CRYBG1: variants seen among roughly 807,000 people sequenced by gnomAD.
The protein encoded by CRYBG1 is beta/gamma crystallin domain-containing protein 1.
A neutral mutation model predicts 189.2 loss-of-function variants in CRYBG1; 139 were observed. The ratio of observed to expected loss-of-function variants is 0.73; its 90% confidence interval spans 0.64 to 0.85. The LOEUF (loss-of-function observed/expected upper bound fraction) is 0.85, where lower values mean the gene tolerates loss of function less well. Ranked by LOEUF, CRYBG1 falls within the 40% of genes least tolerant of loss-of-function variation. The probability of loss-of-function intolerance (pLI) is 0.00; values close to 1 mark genes in which losing one functional copy is unlikely to be tolerated. For synonymous variants in CRYBG1, 1,023 were observed against 1,017.1 expected (o/e 1.01, Z -0.11); for missense variants, 2,611 against 2,675.8 (o/e 0.98, Z 0.53).
At chr6:106,462,765 G>C (rs1562313989) in intron 2 of CRYBG1, among the ~76,000 whole-genome samples, 1 of 152,226 alleles carries the variant, frequency 6.6e-6, no homozygotes, top group Non-Finnish European at 1.5e-5. Flanking sequence ...ATTGCTTTGT[G>C]TATACTGGAC....
chr6:106,442,549 G>A (rs946018618), intron 1 of CRYBG1, among the ~76,000 whole-genome samples: 15 of 152,188 alleles, frequency 9.9e-5, no homozygotes, highest in African/African-American at 3.4e-4. Flanking sequence ...TGTAACTATC[G>A]TGGTTAGGAG....
intron 1 of CRYBG1, among the ~76,000 whole-genome samples, chr6:106,386,246 T>A (rs1410384699): frequency 6.6e-6 from 1 of 152,198 alleles, no homozygotes; most frequent in Admixed American, 6.6e-5. Flanking sequence ...AATCACTGGG[T>A]CTTTCCCCGT....
intron 1 of CRYBG1, among the ~76,000 whole-genome samples, chr6:106,432,600 C>T (rs1054985362): frequency 3.9e-5 from 6 of 152,050 alleles, no homozygotes; most frequent in South Asian, 4.1e-4. Flanking sequence ...AATCTCTAAC[C>T]GAAACATAGG....
Position 106,561,432 on chromosome 6 carries a change from C to T in CRYBG1, c.6070C>T (p.Gln2024Ter). Residue 2024 changes from glutamine (Q) to a stop codon, truncating the protein, a stop_gained, in exon 20 of 22, where the codon CAG (glutamine) becomes TAG (stop). Transcript: ENST00000633556. LOFTEE classifies it high-confidence loss of function. ...NLEDLKLLRI[Q>*]VMEDVGADDQ... is the part of the protein sequence containing the mutation. ...AGAGGATCTGAAGCTTCTGAGGATA[C>T]AGGTCATGGAGGATGTCGGGGCCGA... 1 of 1,614,120 alleles carries T rather than the reference C, an allele frequency of 6.2e-7. No homozygotes were observed. The highest frequency in any genetic ancestry group is 8.5e-7 in the Non-Finnish European group (1 of 1,180,010).
intron 20 of CRYBG1, 123 bp downstream of exon 20, chr6:106,561,623 A>G: frequency 8.1e-7 from 1 of 1,230,250 alleles, no homozygotes; most frequent in Non-Finnish European, 1.1e-6. Flanking sequence ...TACTTTCAGA[A>G]ATGAATTTGT....
At chr6:106,414,276 C>T (rs1294744776) in intron 1 of CRYBG1, among the ~76,000 whole-genome samples, 3 of 152,252 alleles carry the variant, frequency 2.0e-5, no homozygotes, top group Non-Finnish European at 4.4e-5. Flanking sequence ...AGCAACATAT[C>T]TGGTTTGCTC....
At chr6:106,547,520 G>A (rs1774293353) in intron 13 of CRYBG1, among the ~76,000 whole-genome samples, 1 of 152,216 alleles carries the variant, frequency 6.6e-6, no homozygotes, top group Non-Finnish European at 1.5e-5. Context: ...GATAGGATAG[G>A]AAGGCTGAGA....
chr6:106,366,195 A>T (rs1355338179), intron 1 of CRYBG1, among the ~76,000 whole-genome samples: 2 of 152,030 alleles, frequency 1.3e-5, no homozygotes, highest in Non-Finnish European at 2.9e-5. Flanking sequence ...GGTGCTTAGA[A>T]CTCTAAACAG....
chr6:106,397,768 TAAC>T (rs1194437630), intron 1 of CRYBG1, among the ~76,000 whole-genome samples: 2 of 152,244 alleles, frequency 1.3e-5, no homozygotes, highest in African/African-American at 4.8e-5. Flanking sequence ...TAACAAGGAT[TAAC>T]ATAGAGATAT....
intron 2 of CRYBG1, among the ~76,000 whole-genome samples, chr6:106,506,123 C>A (rs1773127490): frequency 6.6e-6 from 1 of 152,278 alleles, no homozygotes; most frequent in Admixed American, 6.5e-5. Context: ...CAAGTCTTGA[C>A]CACACTAAGT....
In CRYBG1 at chr6:106,519,550, C is replaced by G. The variant is rs1387893529; in HGVS notation, c.2342C>G (p.Pro781Arg). ...SSENQALGPQPNQDDKADVQT... is the reference protein window; with the variant it reads ...SSENQALGPQRNQDDKADVQT... ...GAGAATCAAGCTCTTGGTCCTCAGCCTAACCAAGATGATAAAGCAGATGTA... is the reference window on the plus strand; with the variant it reads ...GAGAATCAAGCTCTTGGTCCTCAGCGTAACCAAGATGATAAAGCAGATGTA... The change falls in exon 4 of 22, where the codon CCT (proline) becomes CGT (arginine). Residue 781 changes from proline to arginine, a missense_variant. Pro to Arg is a moderately radical substitution (Grantham distance 103). Around this residue, in one of 3 missense-constraint regions of CRYBG1, gnomAD observed 1,622 missense variants for 1,735.0 expected, o/e 0.93. Coordinates refer to ENST00000633556, the MANE Select transcript of CRYBG1 (RefSeq NM_001371242.2). 6.2e-7 allele frequency: 1 copy of G among 1,614,140 alleles called. No individual in the cohort carries two copies. The highest frequency in any genetic ancestry group is 1.3e-5 in the African/African-American group (1 of 75,026).
Position 106,494,345 on chromosome 6 carries a change from C to G in CRYBG1, c.313-17085C>G, listed in dbSNP as rs145934046. ...TACATATAGTTAACACTATAGAACA[C>G]TACACTTTAAAAATGGTTAAGATGG... On this transcript the variant is annotated intron_variant, in intron 2 of 21. Coordinates refer to ENST00000633556, the MANE Select transcript of CRYBG1 (RefSeq NM_001371242.2). Among the ~76,000 whole-genome samples, 6 of 152,268 alleles carry G rather than the reference C, an allele frequency of 3.9e-5. No individual in the cohort carries two copies. The East Asian group carries it at 1.2e-3, about 29-fold the overall frequency.
chr6:106,558,389 A>AT (rs944162120), intron 17 of CRYBG1, 97 bp from the exon 18 acceptor site: 10 of 1,106,552 alleles, frequency 9.0e-6, no homozygotes, highest in South Asian at 8.7e-5. Context: ...AATCTAGCAG[A>AT]TTTTTTGTGC....
At chr6:106,388,702 G>T (rs867305284) in intron 1 of CRYBG1, among the ~76,000 whole-genome samples, 1 of 152,038 alleles carries the variant, frequency 6.6e-6, no homozygotes, top group Non-Finnish European at 1.5e-5. Context: ...TACTTTATAG[G>T]TTCCAGTTGG....
intron 1 of CRYBG1, among the ~76,000 whole-genome samples, chr6:106,394,004 A>G (rs926675320): frequency 6.6e-6 from 1 of 152,084 alleles, no homozygotes; most frequent in East Asian, 1.9e-4. Flanking sequence ...TCCTACCTTT[A>G]GACTACTGAG....
chr6:106,520,263 G>C lies in CRYBG1; in HGVS notation c.3055G>C (p.Ala1019Pro), dbSNP rs774946537. ...VLGNEHSHCT[A>P]ELAAKSGPQV... ...GGGCAATGAACACTCTCATTGCACA[G>C]CAGAGCTCGCGGCAAAATCTGGCCC... Residue 1019 changes from alanine to proline, a missense_variant, in exon 4 of 22, where the codon GCA (alanine) becomes CCA (proline). This residue lies in a region of CRYBG1 where 1,622 missense variants were observed against 1,735.0 expected (regional missense o/e 0.93). Coordinates refer to ENST00000633556, the MANE Select transcript of CRYBG1 (RefSeq NM_001371242.2). 6.2e-7 allele frequency: 1 copy of C among 1,614,186 alleles called. No individual in the cohort carries two copies. Among genetic ancestry groups the C allele is most frequent in the East Asian group, 2.2e-5 (1 of 44,890 alleles).
intron 1 of CRYBG1, among the ~76,000 whole-genome samples, chr6:106,410,093 A>C (rs1218240032): frequency 6.6e-6 from 1 of 152,212 alleles, no homozygotes; most frequent in Non-Finnish European, 1.5e-5. Flanking sequence ...GGCAACCTAC[A>C]GAATGGGAGA....
rs571016082 is a variant in CRYBG1, at chr6:106,391,014, A to C, written c.173+29933A>C. On this transcript the variant is annotated intron_variant, in intron 1 of 21. Transcript: ENST00000633556. ...TACTTTCAGACTGTTTTCCGAAGTGATTGTATCAGTGTACACTCCTACCAA... is the reference window on the plus strand; with the variant it reads ...TACTTTCAGACTGTTTTCCGAAGTGCTTGTATCAGTGTACACTCCTACCAA... Among the ~76,000 whole-genome samples the C allele has an allele frequency of 1.1e-4, 17 of 152,278 alleles. No homozygotes were observed. The East Asian group carries it at 3.1e-3, about 28-fold the overall frequency.
rs145297752 is a variant in CRYBG1, at chr6:106,425,851, C to T, written c.174-25843C>T. On this transcript the variant is annotated intron_variant, in intron 1 of 21. Coordinates refer to ENST00000633556, the MANE Select transcript of CRYBG1 (RefSeq NM_001371242.2). ...ACAGGGTTTCACCAGTTGGCCAGGC[C>T]GGTCTTGAACTCCGGACCTCAGGTG... Among the ~76,000 whole-genome samples the T allele has an allele frequency of 4.2e-3, 646 of 152,110 alleles. 7 individuals are homozygous for T. Among genetic ancestry groups the T allele is most frequent in the African/African-American group, 0.015 (613 of 41,478 alleles).
Sources: gnomAD v4.1 joint callset for allele counts (sites outside exome capture counted in the v4.1 genomes callset) on GRCh38, gnomAD v4.1.1 for gene constraint, gnomAD v4.1.1 regional missense constraint, MANE v1.5 for transcripts, NCBI Gene and HGNC (gene_info 2026-07-23, HGNC 2026-07-21) for gene names.